The following CFAP100 variants were observed in gnomAD, a reference collection of about 807,000 sequenced individuals.
The protein encoded by CFAP100 is cilia and flagella associated protein 100.
Under a neutral mutation model 81.5 loss-of-function variants are expected in CFAP100, and 70 were observed. That is an observed-to-expected ratio of 0.86 (90% CI 0.71 to 1.05). The LOEUF is 1.05. Ranked by LOEUF, CFAP100 falls within the 50% of genes least tolerant of loss-of-function variation. CFAP100 has a pLI of 0.00. For synonymous variants in CFAP100, 341 were observed against 314.8 expected (o/e 1.08, Z -0.88); for missense variants, 811 against 776.5 (o/e 1.04, Z -0.53).
intron 4 of CFAP100, among the ~76,000 whole-genome samples, chr3:126,414,770 C>G (rs760152579): frequency 2.3e-4 from 35 of 152,338 alleles, no homozygotes; most frequent in Non-Finnish European, 4.0e-4. Flanking sequence ...TGAGTGGGGA[C>G]AGCCCACTCT....
intron 2 of CFAP100, among the ~76,000 whole-genome samples, chr3:126,397,377 T>C (rs1356427038): frequency 1.3e-5 from 2 of 152,176 alleles, no homozygotes; most frequent in Admixed American, 1.3e-4. Flanking sequence ...AATTTTAAAA[T>C]GAAGAAGGGC....
intron 13 of CFAP100, among the ~76,000 whole-genome samples, chr3:126,427,950 A>C (rs898141536): frequency 6.6e-6 from 1 of 152,174 alleles, no homozygotes; most frequent in African/African-American, 2.4e-5. Context: ...ACACACTTTT[A>C]AACAACCAGA....
chr3:126,430,720 G>C (rs1411438862), intron 13 of CFAP100, among the ~76,000 whole-genome samples: 6 of 151,172 alleles, frequency 4.0e-5, no homozygotes, highest in South Asian at 4.2e-4. Context: ...CAGCTCTCTT[G>C]AAATTTTTGG....
At chr3:126,407,130 A>G (rs1434601950) in intron 2 of CFAP100, 42 bp from the exon 3 acceptor site, 1 of 1,399,960 alleles carries the variant, frequency 7.1e-7, no homozygotes, top group African/African-American at 1.4e-5. Context: ...CTCATGGGCC[A>G]GGGGAGTCAC....
intron 2 of CFAP100, among the ~76,000 whole-genome samples, chr3:126,404,478 G>T (rs886505339): frequency 6.6e-6 from 1 of 152,172 alleles, no homozygotes; most frequent in African/African-American, 2.4e-5. Context: ...GATCTGACTC[G>T]CTAAGGGGTC....
intron 15 of CFAP100, chr3:126,434,685 C>T (rs553482697): frequency 7.7e-5 from 26 of 337,974 alleles, no homozygotes; most frequent in Non-Finnish European, 1.3e-4. Flanking sequence ...CACGGTCAGC[C>T]TCAAATACAT....
rs371354960 is a variant in CFAP100, at chr3:126,416,511, G to A, written c.418+3G>A. Reference sequence around the variant, plus strand: ...CTGGAAGCTCACCTTGACCAAAGGTGCGTCCCCTCCGGCGCGGGGGGACCT... The same window carrying A: ...CTGGAAGCTCACCTTGACCAAAGGTACGTCCCCTCCGGCGCGGGGGGACCT... On this transcript the variant is annotated splice_donor_region_variant and intron_variant, in intron 5 of 16. Coordinates refer to ENST00000352312, the MANE Select transcript of CFAP100 (RefSeq NM_182628.3). 5 of 1,574,446 alleles carry A rather than the reference G, an allele frequency of 3.2e-6. No homozygotes were observed. In the South Asian group the frequency reaches 4.6e-5, roughly 14 times the overall value.
Position 126,411,361 on chromosome 3 carries a change from G to GTTTTTTTTT in CFAP100, c.131-2706_131-2698dup, listed in dbSNP as rs58954079. On this transcript the variant is annotated intron_variant, in intron 3 of 16. Coordinates refer to ENST00000352312, the MANE Select transcript of CFAP100 (RefSeq NM_182628.3). Reference sequence around the variant, plus strand: ...TCTGTAGTTTTTTTTGTTGTTGTTGGTTTTTTTTTTTTTTTTTTTTTTTTT... The same window carrying GTTTTTTTTT: ...TCTGTAGTTTTTTTTGTTGTTGTTGGTTTTTTTTTTTTTTTTTTTTTTTTTTTTTTTTTT... Among the ~76,000 whole-genome samples, 58 of 35,384 alleles carry GTTTTTTTTT rather than the reference G, an allele frequency of 1.6e-3. 6 individuals carry two copies. Among genetic ancestry groups the GTTTTTTTTT allele is most frequent in the Non-Finnish European group, 2.1e-3 (46 of 21,538 alleles). The allele number at this position is 35,384 out of a possible 152,430, so 23.2% of individuals were successfully genotyped here.
intron 2 of CFAP100, among the ~76,000 whole-genome samples, chr3:126,402,754 A>G (rs966494203): frequency 6.6e-6 from 1 of 151,682 alleles, no homozygotes; most frequent in Non-Finnish European, 1.5e-5. Context: ...AGGTCAAAGC[A>G]TCTAAATGAG....
intron 3 of CFAP100, among the ~76,000 whole-genome samples, chr3:126,409,382 T>A (rs146032274): frequency 2.0e-5 from 3 of 152,346 alleles, no homozygotes; most frequent in Non-Finnish European, 4.4e-5. Flanking sequence ...GGTGAACATT[T>A]AGGTTGTTTC....
chr3:126,436,213 T>A (rs952206721), intron 16 of CFAP100, 78 bp from the exon 17 acceptor site: 3 of 1,121,146 alleles, frequency 2.7e-6, no homozygotes, highest in Non-Finnish European at 4.0e-6. Context: ...GCTGGGCCTC[T>A]CCCTGCACCA....
chr3:126,404,881 G>A (rs756189567), intron 2 of CFAP100, among the ~76,000 whole-genome samples: 1 of 152,100 alleles, frequency 6.6e-6, no homozygotes, highest in Non-Finnish European at 1.5e-5. Context: ...CACCATGTTG[G>A]CCAGGATGGT....
chr3:126,429,523 TTCC>T (rs1386019518), intron 13 of CFAP100, among the ~76,000 whole-genome samples: 1 of 152,166 alleles, frequency 6.6e-6, no homozygotes, highest in Non-Finnish European at 1.5e-5. Context: ...TCTCTTGTTC[TTCC>T]TCTTCTGCTT....
intron 3 of CFAP100, among the ~76,000 whole-genome samples, chr3:126,413,643 G>A (rs1292184969): frequency 6.6e-6 from 1 of 152,250 alleles, no homozygotes; most frequent in Non-Finnish European, 1.5e-5. Context: ...TTCCCTGGGA[G>A]GACTGGAGAG....
intron 13 of CFAP100, chr3:126,432,781 T>A (rs1481498612): frequency 1.1e-5 from 3 of 270,748 alleles, no homozygotes; most frequent in African/African-American, 2.2e-5. Flanking sequence ...ATATAAAAAA[T>A]TACTGACTTG....
intron 3 of CFAP100, among the ~76,000 whole-genome samples, chr3:126,408,485 G>C (rs768092636): frequency 4.6e-5 from 7 of 152,224 alleles, no homozygotes; most frequent in African/African-American, 1.7e-4. Flanking sequence ...TTGACTTGTT[G>C]AGCAGTGGTG....
At chr3:126,399,980 C>T (rs1008834601) in intron 2 of CFAP100, among the ~76,000 whole-genome samples, 1 of 152,144 alleles carries the variant, frequency 6.6e-6, no homozygotes, top group African/African-American at 2.4e-5. Context: ...GAGGGGCCGG[C>T]TCAGCGGCTG....
chr3:126,420,696 G>C (rs2083317003), intron 11 of CFAP100: 1 of 167,088 alleles, frequency 6.0e-6, no homozygotes, highest in Non-Finnish European at 1.3e-5. Flanking sequence ...GATGGACCCT[G>C]AGAGAGGTGG....
At chr3:126,395,701 C>T (rs530593857) in intron 1 of CFAP100, among the ~76,000 whole-genome samples, 23 of 152,174 alleles carry the variant, frequency 1.5e-4, no homozygotes, top group African/African-American at 4.8e-4. Context: ...ATTTTTTGGC[C>T]GAGGAGGCCG....
Sources: gnomAD v4.1 joint callset for allele counts (sites outside exome capture counted in the v4.1 genomes callset) on GRCh38, gnomAD v4.1.1 for gene constraint, MANE v1.5 for transcripts, NCBI Gene and HGNC (gene_info 2026-07-23, HGNC 2026-07-21) for gene names.